ADAM29: variants seen among roughly 807,000 people sequenced by gnomAD.
ADAM29 encodes the protein ADAM metallopeptidase domain 29.
For synonymous variants in ADAM29, 367 were observed against 342.3 expected, an observed-to-expected ratio of 1.07 and a Z score of -0.80; for missense variants, 969 against 1,001.8, an observed-to-expected ratio of 0.97 and a Z score of 0.44.
rs767295275 is a variant in ADAM29 at position 174,950,790 on chromosome 4, A to G, written c.-181+13777A>G. Among the ~76,000 whole-genome samples the G allele has an allele frequency of 7.9e-5, 12 of 152,132 alleles. No homozygotes were observed. The East Asian group carries it at 2.3e-3, about 29-fold the overall frequency. On this transcript the variant is annotated intron_variant, in intron 4 of 4. Coordinates refer to ENST00000359240, the MANE Select transcript of ADAM29 (RefSeq NM_014269.4). Reference sequence around the variant, plus strand: ...GGAAGGGCCTGGTGGGAAGTGAGTAATTACATCATGGGGGCAGACGTCCCC... The same window carrying G: ...GGAAGGGCCTGGTGGGAAGTGAGTAGTTACATCATGGGGGCAGACGTCCCC...
chr4:174,920,760 C>T lies in ADAM29; in HGVS notation c.-483C>T, dbSNP rs959734182. Reference sequence around the variant, plus strand: ...AATGTTTTGGGATGGTTCATGATTTCGAAAAGCTTCAGAGAAAATAAAGAT... The same window carrying T: ...AATGTTTTGGGATGGTTCATGATTTTGAAAAGCTTCAGAGAAAATAAAGAT... On this transcript the variant is annotated 5_prime_UTR_variant, in exon 2 of 5. Transcript: ENST00000359240. 5.3e-5 allele frequency: 8 copies of T among 151,880 alleles called. No homozygotes were observed. The highest frequency in any genetic ancestry group is 1.2e-4 in the African/African-American group (5 of 41,350). The allele number at this position is 151,880 out of a possible 1,614,324, so 9.4% of individuals were successfully genotyped here.
intron 4 of ADAM29, among the ~76,000 whole-genome samples, chr4:174,966,096 G>A (rs572324220): frequency 1.3e-5 from 2 of 152,246 alleles, no homozygotes; most frequent in South Asian, 2.1e-4. Flanking sequence ...ATCATCTCTA[G>A]ATTACTTATA....
intron 4 of ADAM29, among the ~76,000 whole-genome samples, chr4:174,972,907 TA>T (rs1746550112): frequency 6.6e-6 from 1 of 152,112 alleles, no homozygotes; most frequent in African/African-American, 2.4e-5. Context: ...AGGGAAGATC[TA>T]TGCTGTCTAC....
intron 4 of ADAM29, among the ~76,000 whole-genome samples, chr4:174,960,403 T>G (rs1745742883): frequency 6.6e-6 from 1 of 152,158 alleles, no homozygotes; most frequent in African/African-American, 2.4e-5. Flanking sequence ...CAAATTTAAT[T>G]ATTATCAAAG....
Position 174,975,444 on chromosome 4 carries a change from AC to A in ADAM29, c.-81del. On this transcript the variant is annotated 5_prime_UTR_variant, in exon 5 of 5. Transcript: ENST00000359240. ...AGAAGAAGGAGCCACACCACCTGTG[AC>A]TCCAGCCCTGACTTCTGCTCTGGAC... 1 of 1,360,294 alleles carries A rather than the reference AC, an allele frequency of 7.4e-7. No individual in the cohort carries two copies. The highest frequency in any genetic ancestry group is 9.8e-7 in the Non-Finnish European group (1 of 1,020,224). 84.3% of individuals were successfully genotyped at this position (1,360,294 alleles called of 1,614,324 possible).
At chr4:174,931,613 A>G (rs915870437) in intron 3 of ADAM29, among the ~76,000 whole-genome samples, 1 of 152,174 alleles carries the variant, frequency 6.6e-6, no homozygotes, top group Non-Finnish European at 1.5e-5. Context: ...AAAATTGTTT[A>G]TGCATATCTA....
At chr4:174,939,926 C>T (rs1390619484) in intron 4 of ADAM29, among the ~76,000 whole-genome samples, 10 of 151,944 alleles carry the variant, frequency 6.6e-5, no homozygotes, top group Admixed American at 6.6e-4. Context: ...CTTTTTCTCC[C>T]TCTCTTCCTT....
chr4:174,929,044 G>A lies in ADAM29; in HGVS notation c.-450-1942G>A, dbSNP rs564304005. ...GAGTCAGGTTCAGGGGAACTTCTAA[G>A]GCTGCCTTGGTCAGTGCCAGATGAC... On this transcript the variant is annotated intron_variant, in intron 2 of 4. Transcript: ENST00000359240. 2.0e-5 allele frequency among the ~76,000 whole-genome samples: 3 copies of A among 152,306 alleles called. No homozygotes were observed. In the East Asian group the frequency reaches 5.8e-4, roughly 29 times the overall value.
At chr4:174,957,764 G>T (rs1745585907) in intron 4 of ADAM29, among the ~76,000 whole-genome samples, 2 of 151,700 alleles carry the variant, frequency 1.3e-5, no homozygotes, top group Admixed American at 1.3e-4. Flanking sequence ...TAATTAATAT[G>T]AATCTATCTT....
At chr4:174,947,887 T>G (rs1398314639) in intron 4 of ADAM29, among the ~76,000 whole-genome samples, 1 of 152,198 alleles carries the variant, frequency 6.6e-6, no homozygotes, top group East Asian at 1.9e-4. Context: ...TCTCTTCATA[T>G]TTTTGTCTGA....
intron 2 of ADAM29, among the ~76,000 whole-genome samples, chr4:174,927,104 A>T (rs190353123): frequency 3.3e-5 from 5 of 152,210 alleles, no homozygotes; most frequent in African/African-American, 1.2e-4. Flanking sequence ...GAAATACTCA[A>T]AATACCAAGT....
At position 174,977,383 on chromosome 4, in the gene ADAM29, A is replaced by G. The variant is rs370448191; in HGVS notation, c.1858A>G (p.Ile620Val). The change falls in exon 5 of 5, where the codon ATC becomes GTC. Residue 620 changes from isoleucine to valine, a missense_variant. Physicochemically the swap from Ile to Val is conservative, Grantham distance 29 (BLOSUM62 3). Transcript: ENST00000359240. ...CCACAGGCACTGTGTCCATATAACC[A>G]TCTTGAATAGTAATTGCTCACCTGC... The part of the protein sequence containing the change: ...CIHRHCVHIT[I>V]LNSNCSPAFC... 2.7e-5 allele frequency: 44 copies of G among 1,613,844 alleles called. No homozygotes were observed. Among genetic ancestry groups the G allele is most frequent in the Admixed American group, 8.3e-5 (5 of 59,998 alleles).
intron 4 of ADAM29, among the ~76,000 whole-genome samples, chr4:174,972,125 A>T (rs767599369): frequency 3.5e-4 from 53 of 152,276 alleles, no homozygotes; most frequent in African/African-American, 9.4e-4. Flanking sequence ...AAACATCTTT[A>T]TATCATATTT....
At chr4:174,949,592 C>T (rs1745053999) in intron 4 of ADAM29, among the ~76,000 whole-genome samples, 1 of 151,894 alleles carries the variant, frequency 6.6e-6, no homozygotes, top group African/African-American at 2.4e-5. Flanking sequence ...CCATTCAGCC[C>T]AGCATTTGTG....
intron 4 of ADAM29, among the ~76,000 whole-genome samples, chr4:174,965,077 A>G (rs186800841): frequency 6.1e-4 from 93 of 152,262 alleles, no homozygotes; most frequent in Admixed American, 2.9e-3. Flanking sequence ...TTTATATATT[A>G]GTCTTTTTAG....
chr4:174,941,231 C>A (rs747329552), intron 4 of ADAM29, among the ~76,000 whole-genome samples: 3 of 152,130 alleles, frequency 2.0e-5, no homozygotes, highest in African/African-American at 7.2e-5. Flanking sequence ...TTTTTAAAAA[C>A]GGACCTGCTT....
intron 4 of ADAM29, among the ~76,000 whole-genome samples, chr4:174,950,698 A>G (rs1745116635): frequency 6.6e-6 from 1 of 152,164 alleles, no homozygotes; most frequent in African/African-American, 2.4e-5. Flanking sequence ...GTATATATAC[A>G]TACTTGATGT....
Position 174,976,038 on chromosome 4 carries a change from A to T in ADAM29, c.513A>T (p.Ile171=). 6.2e-7 allele frequency: 1 copy of T among 1,612,246 alleles called. No homozygotes were observed. Among genetic ancestry groups the T allele is most frequent in the Non-Finnish European group, 8.5e-7 (1 of 1,179,588 alleles). Residue 171 remains isoleucine (I), a synonymous_variant, in exon 5 of 5, where the codon ATA becomes ATT. Coordinates refer to ENST00000359240, the MANE Select transcript of ADAM29 (RefSeq NM_014269.4). ...GATCCGGATTTATGCAAAATGAAATAACATGCCGAATGGAATTTGAAGAAA... is the reference window on the plus strand; with the variant it reads ...GATCCGGATTTATGCAAAATGAAATTACATGCCGAATGGAATTTGAAGAAA... ...TMRSGFMQNE[I]TCRMEFEEID...
intron 2 of ADAM29, among the ~76,000 whole-genome samples, chr4:174,925,215 A>G (rs1743436503): frequency 1.3e-5 from 2 of 152,198 alleles, no homozygotes; most frequent in South Asian, 4.1e-4. Flanking sequence ...AGACATTAGC[A>G]AAAAATTAAG....
Sources: gnomAD v4.1 joint callset for allele counts (sites outside exome capture counted in the v4.1 genomes callset) on GRCh38, gnomAD v4.1.1 for gene constraint, MANE v1.5 for transcripts, NCBI Gene and HGNC (gene_info 2026-07-23, HGNC 2026-07-21) for gene names.